CD70: variants seen among roughly 807,000 people sequenced by gnomAD.
CD70 encodes CD70 molecule.
CD70 carries 6 observed loss-of-function variants against 9.0 expected under a neutral mutation model. The ratio of observed to expected loss-of-function variants is 0.67; its 90% CI spans 0.37 to 1.32. The LOEUF is 1.32. Among genes scored for constraint, CD70 ranks in the 40% most tolerant of loss-of-function variants. CD70 has a pLI of 0.02. For synonymous variants in CD70, 108 were observed against 112.3 expected (o/e 0.96, Z 0.24); for missense variants, 235 against 258.7 (o/e 0.91, Z 0.63).
downstream of CD70, among the ~76,000 whole-genome samples, chr19:6,582,506 C>A (rs940048530): frequency 6.6e-6 from 1 of 151,336 alleles, no homozygotes; most frequent in Non-Finnish European, 1.5e-5. Context: ...CCCTCCCCCC[C>A]TCCCCCGACT....
At chr19:6,585,800 G>C (rs1179174724), downstream of CD70, 14 of 479,090 alleles carry the variant, frequency 2.9e-5, no homozygotes, top group Middle Eastern at 5.5e-4. Flanking sequence ...TCAGTCGGCC[G>C]AGTAGCTGGG....
At position 6,590,018 on chromosome 19, in the gene CD70, T is replaced by C; in HGVS notation, c.196+85A>G. ...CTCTGTCTGTGTCTCTTTCTCTCTG[T>C]CTCTCCCCACTTGTCTTTCTACCTC... On this transcript the variant is annotated intron_variant, in intron 2 of 2. Transcript: ENST00000245903. The surrounding 1 kb of genome is among the most constrained non-coding windows in gnomAD (Gnocchi z 5.3). 9.0e-7 allele frequency: 1 copy of C among 1,109,450 alleles called. No homozygotes were observed. The highest frequency in any genetic ancestry group is 1.3e-5 in the South Asian group (1 of 75,842). The allele number at this position is 1,109,450 out of a possible 1,614,324, so 68.7% of individuals were successfully genotyped here.
chr19:6,588,725 G>A (rs1236874749), intron 2 of CD70, among the ~76,000 whole-genome samples: 1 of 151,604 alleles, frequency 6.6e-6, no homozygotes, highest in Non-Finnish European at 1.5e-5. Flanking sequence ...CCACCTCCTT[G>A]CCTGATTTTT....
chr19:6,587,401 C>T (rs1335128259), intron 2 of CD70, among the ~76,000 whole-genome samples: 1 of 149,076 alleles, frequency 6.7e-6, no homozygotes, highest in African/African-American at 2.5e-5. Context: ...AGAGTGAGCT[C>T]GAGAGAGTGC....
intron 2 of CD70, among the ~76,000 whole-genome samples, chr19:6,587,434 G>C (rs145115195): frequency 1.3e-5 from 2 of 152,038 alleles, no homozygotes; most frequent in South Asian, 4.2e-4. Context: ...GTGTGTGAGA[G>C]AGGATGAGAG....
At chr19:6,587,354 G>A (rs1293697324) in intron 2 of CD70, among the ~76,000 whole-genome samples, 1 of 151,868 alleles carries the variant, frequency 6.6e-6, no homozygotes, top group Non-Finnish European at 1.5e-5. Context: ...GAGAGAGGAC[G>A]AGAGAGCTTG....
downstream of CD70, chr19:6,583,326 C>T: frequency 1.4e-6 from 1 of 699,596 alleles, no homozygotes; most frequent in Non-Finnish European, 2.6e-6. Flanking sequence ...CTGTTTTCCT[C>T]ATCTGTGAAA....
At chr19:6,588,817 A>G (rs1172509912) in intron 2 of CD70, among the ~76,000 whole-genome samples, 1 of 152,056 alleles carries the variant, frequency 6.6e-6, no homozygotes, top group Non-Finnish European at 1.5e-5. Flanking sequence ...TTTTTTGGTC[A>G]TCTCCTCCTC....
In CD70 at chr19:6,590,781, C is replaced by A; in HGVS notation, c.162+60G>T. ...CTGGCCTCTTTGTACCCATCTCATT[C>A]TGTCTTTTCGGTCACGCGCCTCTCT... On this transcript the variant is annotated intron_variant, in intron 1 of 2. Coordinates refer to ENST00000245903, the MANE Select transcript of CD70 (RefSeq NM_001252.5). This position sits in a 1 kb window ranked among gnomAD's most constrained non-coding sequence, Gnocchi z 5.3. 7.0e-7 allele frequency: 1 copy of A among 1,426,284 alleles called. No homozygotes were observed. Among genetic ancestry groups the A allele is most frequent in the Admixed American group, 1.7e-5 (1 of 58,148 alleles). The allele number at this position is 1,426,284 out of a possible 1,614,324, so 88.4% of individuals were successfully genotyped here.
In CD70 at chr19:6,586,416, AG is replaced by A. The variant is rs1489759549; in HGVS notation, c.197-12del. ...GGTCCTGCTGAGGTCCTGGGGGCACAGGGTTAGAGGGATGAGAGGATGGAGG... is the reference window on the plus strand; with the variant it reads ...GGTCCTGCTGAGGTCCTGGGGGCACAGGTTAGAGGGATGAGAGGATGGAGG... On this transcript the variant is annotated splice_polypyrimidine_tract_variant and intron_variant, in intron 2 of 2. Transcript: ENST00000245903. 1.9e-6 allele frequency: 3 copies of A among 1,590,546 alleles called. No individual in the cohort carries two copies. Among genetic ancestry groups the A allele is most frequent in the South Asian group, 1.1e-5 (1 of 89,184 alleles).
Position 6,586,188 on chromosome 19 carries a change from A to G in CD70, c.414T>C (p.Arg138=). ...LAVGICSPAS[R]SISLLRLSFH... is the part of the protein sequence containing the mutation. Reference sequence around the variant, plus strand: ...AGCTGAGACGCAGCAGGCTGATGCTACGGGAGGCGGGAGAGCAGATTCCCA... The same window carrying G: ...AGCTGAGACGCAGCAGGCTGATGCTGCGGGAGGCGGGAGAGCAGATTCCCA... Residue 138 remains arginine (R), a synonymous_variant, in exon 3 of 3, where the codon CGT becomes CGC. Coordinates refer to ENST00000245903, the MANE Select transcript of CD70 (RefSeq NM_001252.5). 1 of 1,614,138 alleles carries G rather than the reference A, an allele frequency of 6.2e-7. No homozygotes were observed. Among genetic ancestry groups the G allele is most frequent in the Non-Finnish European group, 8.5e-7 (1 of 1,180,038 alleles).
chr19:6,588,393 G>C (rs344588), intron 2 of CD70, among the ~76,000 whole-genome samples: 21,414 of 152,044 alleles, frequency 0.14, 1,519 homozygotes, highest in Admixed American at 0.16. Context: ...CCGGGGAGGG[G>C]GGGAAGATAT....
rs760637465 is a variant in CD70 at position 6,590,425 on chromosome 19, ACT to A, written c.163-291_163-290del. On this transcript the variant is annotated intron_variant, in intron 1 of 2. Coordinates refer to ENST00000245903, the MANE Select transcript of CD70 (RefSeq NM_001252.5). This position sits in a 1 kb window ranked among gnomAD's most constrained non-coding sequence, Gnocchi z 5.3. The stretch of plus-strand genomic sequence containing the variant: ...GGCGCGAGAGCACCGCGCGCAGCGG[ACT>A]CTCTACGCTGCAAAGGCGCCCGGCG... Among the ~76,000 whole-genome samples, 1 of 151,842 alleles carries A rather than the reference ACT, an allele frequency of 6.6e-6. No homozygotes were observed. The highest frequency in any genetic ancestry group is 1.5e-5 in the Non-Finnish European group (1 of 67,936).
chr19:6,582,515 C>G, downstream of CD70, among the ~76,000 whole-genome samples: 1 of 148,380 alleles, frequency 6.7e-6, no homozygotes, highest in South Asian at 2.1e-4. Context: ...CCTCCCCCGA[C>G]TCCACACTCC....
rs1188075517 is a variant in CD70, at chr19:6,590,856, C to A, written c.147G>T (p.Pro49=). ...QRFAQAQQQL[P]LESLGWDVAE... ...CTCAACTCACCCCAAGTGACTCGAGCGGCAGCTGCTGCTGAGCCTGTGCGA... is the reference window on the plus strand; with the variant it reads ...CTCAACTCACCCCAAGTGACTCGAGAGGCAGCTGCTGCTGAGCCTGTGCGA... Residue 49 remains proline, a synonymous_variant, in exon 1 of 3, where the codon CCG becomes CCT. Transcript: ENST00000245903. This position sits in a 1 kb window ranked among gnomAD's most constrained non-coding sequence, Gnocchi z 5.3. 1.2e-6 allele frequency: 2 copies of A among 1,612,666 alleles called. No homozygotes were observed. Among genetic ancestry groups the A allele is most frequent in the African/African-American group, 2.7e-5 (2 of 74,882 alleles).
rs984672251 is a variant in CD70 at position 6,590,913 on chromosome 19, C to T, written c.90G>A (p.Leu30=). Residue 30 remains leucine, a synonymous_variant, in exon 1 of 3, where the codon TTG becomes TTA. Transcript: ENST00000245903. This position sits in a 1 kb window ranked among gnomAD's most constrained non-coding sequence, Gnocchi z 5.3. ...RAALVPLVAG[L]VICLVVCIQR... ...GGATGCACACCACGAGGCAGATCAC[C>T]AAGCCCGCGACCAATGGGACCAAAG... is the stretch of plus-strand genomic sequence containing the variant. 7 of 1,614,134 alleles carry T rather than the reference C, an allele frequency of 4.3e-6. No individual in the cohort carries two copies. Among genetic ancestry groups the T allele is most frequent in the Non-Finnish European group, 5.9e-6 (7 of 1,180,016 alleles).
At chr19:6,587,700 C>T (rs548091978) in intron 2 of CD70, among the ~76,000 whole-genome samples, 18 of 152,144 alleles carry the variant, frequency 1.2e-4, no homozygotes, top group Admixed American at 6.5e-5. Flanking sequence ...CGTTGGCCCT[C>T]TTCTCTCTAG....
downstream of CD70, among the ~76,000 whole-genome samples, chr19:6,583,980 A>G (rs1915968532): frequency 2.0e-5 from 3 of 150,428 alleles, no homozygotes; most frequent in Admixed American, 2.0e-4. Flanking sequence ...TTTAGTAGAG[A>G]CGGGGTTTTA....
downstream of CD70, among the ~76,000 whole-genome samples, chr19:6,581,704 T>C (rs7259857): frequency 0.4 from 61,352 of 151,920 alleles, 13,358 homozygotes; most frequent in Non-Finnish European, 0.49. Flanking sequence ...ATGTGGTAGA[T>C]TAATGTAAGT....
Sources: gnomAD v4.1 joint callset for allele counts (sites outside exome capture counted in the v4.1 genomes callset) on GRCh38, gnomAD v4.1.1 for gene constraint, Gnocchi (gnomAD v3.1) non-coding constraint, MANE v1.5 for transcripts, NCBI Gene and HGNC (gene_info 2026-07-23, HGNC 2026-07-21) for gene names.